The following ASPRV1 variants were observed in gnomAD, a reference collection of about 807,000 sequenced individuals.
ASPRV1 encodes aspartic peptidase retroviral like 1.
Under a neutral mutation model 11.0 loss-of-function variants are expected in ASPRV1, and 7 were observed. The observed-to-expected ratio is 0.64, with a 90% confidence interval of 0.36 to 1.20. The LOEUF is 1.20. ASPRV1 is among the 50% of genes most tolerant of loss of function. The probability of loss-of-function intolerance (pLI) is 0.02; values close to 1 mark genes in which losing one functional copy is unlikely to be tolerated. For missense variants in ASPRV1, 299 were observed against 320.0 expected, an observed-to-expected ratio of 0.93 and a Z score of 0.50; for synonymous variants, 136 against 138.4, an observed-to-expected ratio of 0.98 and a Z score of 0.12.
chr2:69,979,293 A>G, the ASPRV1 span, among the ~76,000 whole-genome samples: 14 of 152,158 alleles, frequency 9.2e-5, no homozygotes, highest in African/African-American at 3.1e-4. Context: ...TCGGCCTCCC[A>G]AAGTGCTGGG....
chr2:70,023,264 T>C, the ASPRV1 span, among the ~76,000 whole-genome samples: 1 of 152,176 alleles, frequency 6.6e-6, no homozygotes. Flanking sequence ...CTTCACCTTC[T>C]GAATCTGATG....
chr2:69,940,807 C>G, the ASPRV1 span: 1 of 152,652 alleles, frequency 6.6e-6, no homozygotes, highest in Non-Finnish European at 1.5e-5. Flanking sequence ...GCTTCTCTCT[C>G]TAACCAAAAC....
At chr2:70,057,562 T>G in the ASPRV1 span, among the ~76,000 whole-genome samples, 1 of 151,918 alleles carries the variant, frequency 6.6e-6, no homozygotes, top group Non-Finnish European at 1.5e-5. Context: ...CACTGCAACC[T>G]CCGCCTCCCA....
At chr2:69,999,197 C>A in the ASPRV1 span, among the ~76,000 whole-genome samples, 1 of 152,114 alleles carries the variant, frequency 6.6e-6, no homozygotes, top group East Asian at 1.9e-4. Context: ...GCCTTCAGCT[C>A]CTAGGCCTGA....
chr2:70,068,039 C>A, the ASPRV1 span, among the ~76,000 whole-genome samples: 1 of 152,196 alleles, frequency 6.6e-6, no homozygotes, highest in Admixed American at 6.6e-5. Context: ...AATGTTAACA[C>A]CAAGCCCCCT....
At chr2:70,058,882 C>CTTTT in the ASPRV1 span, among the ~76,000 whole-genome samples, 9 of 102,254 alleles carry the variant, frequency 8.8e-5, no homozygotes, top group Non-Finnish European at 1.1e-4. Context: ...TATTACCCAA[C>CTTTT]TTTTTTTTTT....
chr2:70,015,870 G>C, the ASPRV1 span: 1 of 152,180 alleles, frequency 6.6e-6, no homozygotes, highest in Admixed American at 6.5e-5. Flanking sequence ...GGCTGAGGGA[G>C]GAGAATCACT....
chr2:70,040,694 C>G, the ASPRV1 span, among the ~76,000 whole-genome samples: 2 of 151,978 alleles, frequency 1.3e-5, no homozygotes, highest in African/African-American at 4.8e-5. Flanking sequence ...ATTAGCCGGG[C>G]GCAGTGGCAG....
chr2:69,953,528 C>T, the ASPRV1 span, among the ~76,000 whole-genome samples: 3 of 152,284 alleles, frequency 2.0e-5, no homozygotes, highest in Admixed American at 6.5e-5. Context: ...AGTGTGACTG[C>T]GACTGGGCAG....
chr2:70,013,559 A>G, the ASPRV1 span, among the ~76,000 whole-genome samples: 11 of 152,166 alleles, frequency 7.2e-5, no homozygotes, highest in African/African-American at 1.7e-4. Flanking sequence ...TATTATCTAC[A>G]TTTTTTTGTT....
chr2:69,945,325 A>G, the ASPRV1 span, among the ~76,000 whole-genome samples: 4 of 152,232 alleles, frequency 2.6e-5, no homozygotes, highest in Non-Finnish European at 5.9e-5. Flanking sequence ...ATTTTAAAAT[A>G]TATATAAAAG....
chr2:70,032,557 C>CTT, the ASPRV1 span, among the ~76,000 whole-genome samples: 1 of 151,912 alleles, frequency 6.6e-6, no homozygotes, highest in Non-Finnish European at 1.5e-5. Context: ...ACTCAAGAGG[C>CTT]TGAGGCAGGA....
At chr2:70,032,011 CCCA>C in the ASPRV1 span, 1 of 152,150 alleles carries the variant, frequency 6.6e-6, no homozygotes, top group Non-Finnish European at 1.5e-5. Flanking sequence ...TGGAACCATG[CCCA>C]CGTCAATTGC....
At chr2:70,054,367 C>T in the ASPRV1 span, among the ~76,000 whole-genome samples, 1 of 150,560 alleles carries the variant, frequency 6.6e-6, no homozygotes, top group East Asian at 2.0e-4. Context: ...GCGGGTGGGT[C>T]ACAAGGTCAG....
Position 69,961,024 on chromosome 2 carries a change from G to C in ASPRV1, c.413C>G (p.Pro138Arg), listed in dbSNP as rs963329777. ...ATCAGTGACCTCCTCCCACAAGTTTGGGTGGACCACAGAGACCTGGGCCCC... is the reference window on the plus strand; with the variant it reads ...ATCAGTGACCTCCTCCCACAAGTTTCGGTGGACCACAGAGACCTGGGCCCC... ...DSGAQVSVVH[P>R]NLWEEVTDGD... Residue 138 changes from proline to arginine, a missense_variant, in exon 1 of 1, where the codon CCA (proline) becomes CGA (arginine). Physicochemically the swap from Pro to Arg is moderately radical, Grantham distance 103 (BLOSUM62 -2). Coordinates refer to ENST00000320256, the MANE Select transcript of ASPRV1 (RefSeq NM_152792.4). The C allele has an allele frequency of 1.9e-6, 3 of 1,614,034 alleles. No homozygotes were observed. Among genetic ancestry groups the C allele is most frequent in the Non-Finnish European group, 2.5e-6 (3 of 1,179,990 alleles).
the ASPRV1 span, among the ~76,000 whole-genome samples, chr2:70,070,042 G>T: frequency 0.13 from 19,239 of 151,950 alleles, 1,777 homozygotes; most frequent in South Asian, 0.24. Flanking sequence ...AGCCAGGCGT[G>T]GTGGCACGCA....
chr2:70,071,254 G>A, the ASPRV1 span, among the ~76,000 whole-genome samples: 8 of 152,324 alleles, frequency 5.3e-5, no homozygotes, highest in African/African-American at 1.7e-4. Flanking sequence ...GTGAAGCACA[G>A]ATTTGTCAGA....
the ASPRV1 span, among the ~76,000 whole-genome samples, chr2:69,973,240 C>T: frequency 6.6e-6 from 1 of 152,248 alleles, no homozygotes; most frequent in South Asian, 2.1e-4. Flanking sequence ...TTGATTTTTG[C>T]CAACCTGCTG....
the ASPRV1 span, chr2:70,086,858 G>A: frequency 6.6e-6 from 1 of 152,282 alleles, no homozygotes; most frequent in African/African-American, 2.4e-5. Flanking sequence ...GCGGCCGTGA[G>A]TGGGTTTCGG....
Sources: gnomAD v4.1 joint callset for allele counts (sites outside exome capture counted in the v4.1 genomes callset) on GRCh38, gnomAD v4.1.1 for gene constraint, MANE v1.5 for transcripts, NCBI Gene and HGNC (gene_info 2026-07-23, HGNC 2026-07-21) for gene names.